PLXDC2: variants seen among roughly 807,000 people sequenced by gnomAD.
The protein encoded by PLXDC2 is plexin domain-containing protein 2.
A neutral mutation model predicts 68.9 loss-of-function variants in PLXDC2; 40 were observed. The ratio of observed to expected loss-of-function variants is 0.58; its 90% CI spans 0.45 to 0.76. The LOEUF is 0.76. PLXDC2 is among the 30% of genes least tolerant of loss of function. The probability of loss-of-function intolerance (pLI) is 0.00; values close to 1 mark genes in which losing one functional copy is unlikely to be tolerated. For synonymous variants in PLXDC2, 243 were observed against 234.2 expected, an observed-to-expected ratio of 1.04 and a Z score of -0.34; for missense variants, 644 against 661.9, an observed-to-expected ratio of 0.97 and a Z score of 0.30.
At chr10:19,822,430 A>G (rs1274110270) in intron 1 of PLXDC2, among the ~76,000 whole-genome samples, 1 of 152,094 alleles carries the variant, frequency 6.6e-6, no homozygotes, top group Admixed American at 6.6e-5. Flanking sequence ...TGCTTCAATT[A>G]ACATGGGAGT....
chr10:19,863,050 A>G (rs913485881), intron 1 of PLXDC2, among the ~76,000 whole-genome samples: 2 of 152,056 alleles, frequency 1.3e-5, no homozygotes, highest in Non-Finnish European at 2.9e-5. Context: ...CTTTTGTGCT[A>G]TTATTTTTAG....
intron 3 of PLXDC2, among the ~76,000 whole-genome samples, chr10:20,053,730 G>C (rs140846810): frequency 6.6e-6 from 1 of 152,020 alleles, no homozygotes; most frequent in Non-Finnish European, 1.5e-5. Context: ...ATATATCTCT[G>C]TCCTGGTGGA....
At chr10:20,198,943 A>T (rs139295741) in intron 9 of PLXDC2, among the ~76,000 whole-genome samples, 126 of 152,182 alleles carry the variant, frequency 8.3e-4, no homozygotes, top group African/African-American at 2.9e-3. Context: ...TTATGTTTCT[A>T]ACTCAAAGGG....
intron 9 of PLXDC2, among the ~76,000 whole-genome samples, chr10:20,188,388 C>G (rs1038864952): frequency 6.6e-6 from 1 of 151,650 alleles, no homozygotes; most frequent in Non-Finnish European, 1.5e-5. Flanking sequence ...TATTTCACAG[C>G]ATAATATTAA....
At chr10:20,013,066 C>G (rs564243404) in intron 2 of PLXDC2, among the ~76,000 whole-genome samples, 3 of 152,256 alleles carry the variant, frequency 2.0e-5, no homozygotes, top group Admixed American at 6.5e-5. Context: ...CTTTTGTAAA[C>G]TTTATATATT....
chr10:20,172,753 C>T (rs1834466137), intron 7 of PLXDC2, among the ~76,000 whole-genome samples: 1 of 152,104 alleles, frequency 6.6e-6, no homozygotes, highest in East Asian at 1.9e-4. Context: ...TTTTTTATTT[C>T]CTTCATGCTT....
intron 4 of PLXDC2, among the ~76,000 whole-genome samples, chr10:20,119,989 G>A (rs1833674593): frequency 6.6e-6 from 1 of 152,160 alleles, no homozygotes; most frequent in South Asian, 2.1e-4. Context: ...AGTCCTGCCA[G>A]CAAAGATTAT....
intron 1 of PLXDC2, among the ~76,000 whole-genome samples, chr10:19,975,285 T>A (rs1834431100): frequency 6.6e-6 from 1 of 151,754 alleles, no homozygotes; most frequent in African/African-American, 2.4e-5. Flanking sequence ...AAACCCCGTC[T>A]CTACTAAAAA....
intron 1 of PLXDC2, among the ~76,000 whole-genome samples, chr10:19,843,259 G>A (rs538086244): frequency 1.4e-5 from 2 of 139,644 alleles, no homozygotes; most frequent in South Asian, 2.5e-4. Flanking sequence ...TAAATGCAAT[G>A]GAATACTTAT....
chr10:20,043,135 A>G (rs572750413), intron 2 of PLXDC2, among the ~76,000 whole-genome samples: 17 of 152,260 alleles, frequency 1.1e-4, no homozygotes, highest in African/African-American at 3.1e-4. Context: ...TGAGAAATCT[A>G]TTTTATGGTT....
chr10:20,028,467 T>A (rs527263412), intron 2 of PLXDC2, among the ~76,000 whole-genome samples: 24 of 152,210 alleles, frequency 1.6e-4, no homozygotes, highest in Non-Finnish European at 3.4e-4. Flanking sequence ...CTTGCTTTTG[T>A]GAGTTGCGAA....
chr10:20,119,727 G>A (rs531812254), intron 4 of PLXDC2, among the ~76,000 whole-genome samples: 10 of 152,158 alleles, frequency 6.6e-5, no homozygotes, highest in South Asian at 4.2e-4. Flanking sequence ...TGCTTCGAGC[G>A]GGATTAGGGG....
intron 2 of PLXDC2, among the ~76,000 whole-genome samples, chr10:20,021,646 C>T (rs1354624953): frequency 1.3e-5 from 2 of 151,694 alleles, no homozygotes; most frequent in Non-Finnish European, 2.9e-5. Flanking sequence ...CTCACTCATT[C>T]TGATCTTTCT....
At chr10:20,150,748 G>T (rs1352578024) in intron 6 of PLXDC2, among the ~76,000 whole-genome samples, 1 of 152,152 alleles carries the variant, frequency 6.6e-6, no homozygotes, top group Non-Finnish European at 1.5e-5. Flanking sequence ...GGCTTCGCTT[G>T]CTAGTCTTTA....
chr10:20,099,944 A>G (rs1833401090), intron 4 of PLXDC2, among the ~76,000 whole-genome samples: 1 of 152,214 alleles, frequency 6.6e-6, no homozygotes. Context: ...ACCAGTATGT[A>G]TTAGTGACAC....
At chr10:20,263,433 T>G (rs1202527731) in intron 13 of PLXDC2, among the ~76,000 whole-genome samples, 1 of 152,110 alleles carries the variant, frequency 6.6e-6, no homozygotes, top group Non-Finnish European at 1.5e-5. Context: ...AATACCATCC[T>G]GACATAGAAA....
At chr10:19,870,675 C>T (rs1837517917) in intron 1 of PLXDC2, among the ~76,000 whole-genome samples, 1 of 152,178 alleles carries the variant, frequency 6.6e-6, no homozygotes, top group African/African-American at 2.4e-5. Flanking sequence ...ATCTGCCTGC[C>T]TTGGCCTCCC....
rs1564291859 is a variant in PLXDC2 at position 20,039,679 on chromosome 10, A to G, written c.325-7190A>G. Among the ~76,000 whole-genome samples the G allele has an allele frequency of 2.0e-5, 3 of 152,320 alleles. No homozygotes were observed. The East Asian group carries it at 5.8e-4, about 29-fold the overall frequency. ...ACAATTAATACCTTTGAGCATCTTC[A>G]CATATTTTCTAAAGCTTTATATAGA... On this transcript the variant is annotated intron_variant, in intron 2 of 13. Transcript: ENST00000377252.
At chr10:19,941,935 G>A (rs111819944) in intron 1 of PLXDC2, among the ~76,000 whole-genome samples, 32 of 144,274 alleles carry the variant, frequency 2.2e-4, no homozygotes, top group South Asian at 2.2e-4. Flanking sequence ...AATCAAACCC[G>A]TTTTGTATTG....
Sources: allele counts gnomAD v4.1 joint callset (sites outside exome capture counted in the v4.1 genomes callset), GRCh38; gene constraint gnomAD v4.1.1; transcripts MANE v1.5; gene names NCBI Gene and HGNC (gene_info 2026-07-23, HGNC 2026-07-21).